Variants in GAK observed in about 807,000 individuals in gnomAD.
GAK encodes cyclin-G-associated kinase.
GAK carries 79 observed loss-of-function variants against 143.9 expected under a neutral mutation model. That is an observed-to-expected ratio of 0.55 (90% CI 0.46 to 0.66). The LOEUF (loss-of-function observed/expected upper bound fraction) is 0.66. Ranked by LOEUF, GAK falls within the 30% of genes least tolerant of loss-of-function variation. The pLI is 0.00. For synonymous variants in GAK, 881 were observed against 765.5 expected (o/e 1.15, Z -2.49); for missense variants, 1,693 against 1,779.7 (o/e 0.95, Z 0.88).
chr4:852,089 C>T, intron 24 of GAK, 115 bp from the exon 25 acceptor site: 4 of 923,068 alleles, frequency 4.3e-6, no homozygotes, highest in South Asian at 4.3e-5. Context: ...AAATAGAACA[C>T]CGATCACTCG....
intron 13 of GAK, 116 bp from the exon 14 acceptor site, chr4:882,935 C>T (rs1183438191): frequency 6.7e-6 from 9 of 1,347,320 alleles, no homozygotes; most frequent in Admixed American, 2.1e-5. Context: ...GTGTCATGAA[C>T]AGGCGTCCAC....
At position 889,227 on chromosome 4, in the gene GAK, T is replaced by C. The variant is rs2152841779; in HGVS notation, c.1082-257A>G. ...GGCAGGTCTACCCTGTCCTCAGCCT[T>C]TCCAGAGACCCAGGAAATGGTCAAT... On this transcript the variant is annotated intron_variant, in intron 10 of 27. Transcript: ENST00000314167. Among the ~76,000 whole-genome samples the C allele has an allele frequency of 1.3e-5, 2 of 152,272 alleles. 1 individual carries two copies. The highest frequency in any genetic ancestry group is 6.8e-3 in the Middle Eastern group (2 of 294).
intron 12 of GAK, 59 bp from the exon 13 acceptor site, chr4:883,522 T>C (rs1715604903): frequency 1.6e-5 from 26 of 1,584,450 alleles, no homozygotes; most frequent in Non-Finnish European, 2.1e-5. Context: ...GCCAGGCTGC[T>C]GCTGCGGCCT....
chr4:886,971 C>T (rs1288740535), intron 11 of GAK: 1 of 152,594 alleles, frequency 6.6e-6, no homozygotes, highest in Non-Finnish European at 1.5e-5. Context: ...TGGAACCACA[C>T]AGCCAAACAT....
At chr4:907,106 T>C (rs1262564429) in intron 4 of GAK, among the ~76,000 whole-genome samples, 1 of 152,182 alleles carries the variant, frequency 6.6e-6, no homozygotes, top group African/African-American at 2.4e-5. Flanking sequence ...GCCGACTCAA[T>C]TCCACTGACA....
chr4:901,709 C>A (rs1043668534), intron 5 of GAK, among the ~76,000 whole-genome samples: 2 of 152,216 alleles, frequency 1.3e-5, no homozygotes, highest in African/African-American at 4.8e-5. Flanking sequence ...CCACAAGAGA[C>A]GCCACGGGGC....
intron 1 of GAK, among the ~76,000 whole-genome samples, chr4:929,678 C>G (rs1279837004): frequency 8.0e-6 from 1 of 125,096 alleles, no homozygotes; most frequent in Non-Finnish European, 1.7e-5. Flanking sequence ...AAGACCTCGT[C>G]TCTTAAATTA....
At chr4:904,893 T>C in intron 4 of GAK, 114 bp from the exon 5 acceptor site, 2 of 1,062,770 alleles carry the variant, frequency 1.9e-6, no homozygotes, top group African/African-American at 1.6e-5. Context: ...ACCCTGACTT[T>C]CCACACCTAA....
intron 3 of GAK, chr4:912,047 A>G (rs577425108): frequency 2.4e-5 from 12 of 495,512 alleles, no homozygotes; most frequent in African/African-American, 1.5e-4. Context: ...CAGCGACACC[A>G]AAGTCCATCC....
chr4:879,629 T>C (rs58036322), intron 15 of GAK, among the ~76,000 whole-genome samples: 1 of 152,006 alleles, frequency 6.6e-6, no homozygotes, highest in African/African-American at 2.4e-5. Context: ...CTGACCGGTA[T>C]GCACCCGAGT....
intron 20 of GAK, 85 bp downstream of exon 20, chr4:868,454 C>G (rs1711533157): frequency 8.2e-6 from 12 of 1,470,566 alleles, no homozygotes; most frequent in Non-Finnish European, 1.1e-5. Context: ...AGGCCCGTCT[C>G]CCAAGACGCT....
chr4:884,607 C>G (rs528036120), intron 11 of GAK, among the ~76,000 whole-genome samples: 9 of 152,354 alleles, frequency 5.9e-5, no homozygotes, highest in South Asian at 2.1e-4. Flanking sequence ...ACAGCCAACT[C>G]TCTACAGACC....
At chr4:849,844 C>CT (rs780264598) in intron 27 of GAK, 48 bp downstream of exon 27, 29 of 1,291,764 alleles carry the variant, frequency 2.2e-5, no homozygotes, top group South Asian at 2.1e-4. Flanking sequence ...ACCCCCCCCC[C>CT]GCCCCGCCCC....
intron 24 of GAK, among the ~76,000 whole-genome samples, chr4:857,997 C>T (rs902522765): frequency 1.3e-5 from 2 of 152,208 alleles, no homozygotes; most frequent in Admixed American, 1.3e-4. Flanking sequence ...CCTCTCTGGC[C>T]CAGGTGTCGT....
At chr4:929,449 G>A (rs970484092) in intron 1 of GAK, among the ~76,000 whole-genome samples, 6 of 152,144 alleles carry the variant, frequency 3.9e-5, no homozygotes, top group African/African-American at 9.7e-5. Flanking sequence ...GGCACCACAG[G>A]CTCCACTTCA....
chr4:863,916 A>C lies in GAK; in HGVS notation c.3166+1206T>G, dbSNP rs540539691. 3.3e-5 allele frequency among the ~76,000 whole-genome samples: 5 copies of C among 152,128 alleles called. No homozygotes were observed. In the South Asian group the frequency reaches 1.0e-3, roughly 32 times the overall value. On this transcript the variant is annotated intron_variant, in intron 23 of 27. Transcript: ENST00000314167. ...CAGGCACCTGTAATCCCAGCTACTCAGGAGGCTGAGGCAGGAGAATCACTT... is the reference window on the plus strand; with the variant it reads ...CAGGCACCTGTAATCCCAGCTACTCCGGAGGCTGAGGCAGGAGAATCACTT...
intron 26 of GAK, 86 bp from the exon 27 acceptor site, chr4:850,154 G>T: frequency 7.5e-7 from 1 of 1,337,950 alleles, no homozygotes; most frequent in Non-Finnish European, 1.0e-6. Context: ...CGACGCTGAG[G>T]AAGTGCCTGG....
At chr4:879,761 C>T (rs1333824659) in intron 15 of GAK, among the ~76,000 whole-genome samples, 2 of 152,188 alleles carry the variant, frequency 1.3e-5, no homozygotes, top group Non-Finnish European at 1.5e-5. Context: ...TCACTGCTCC[C>T]GCTTCCCTCT....
chr4:882,696 C>T lies in GAK; in HGVS notation c.1527+1G>A. The T allele has an allele frequency of 6.2e-7, 1 of 1,611,902 alleles. No homozygotes were observed. The highest frequency in any genetic ancestry group is 2.2e-5 in the East Asian group (1 of 44,878). ...CGCCAGCCCACGGCCCTCGAGCTCA[C>T]CATGCAGTGCACGACGCAGACGTTC... On this transcript the variant is annotated splice_donor_variant, in intron 14 of 27. Coordinates refer to ENST00000314167, the MANE Select transcript of GAK (RefSeq NM_005255.4). LOFTEE classifies it high-confidence loss of function.
Sources: gnomAD v4.1 joint callset for allele counts (sites outside exome capture counted in the v4.1 genomes callset) on GRCh38, gnomAD v4.1.1 for gene constraint, MANE v1.5 for transcripts, NCBI Gene and HGNC (gene_info 2026-07-23, HGNC 2026-07-21) for gene names.